CLIC5: variants seen among roughly 807,000 people sequenced by gnomAD.
The protein encoded by CLIC5 is chloride intracellular channel protein 5.
A neutral mutation model predicts 24.7 loss-of-function variants in CLIC5; 20 were observed. The observed-to-expected ratio is 0.81, with a 90% CI of 0.57 to 1.18. The LOEUF is 1.18. Ranked by LOEUF, CLIC5 falls within the 50% of genes most tolerant of loss-of-function variation. The pLI, the probability that CLIC5 is intolerant of heterozygous loss-of-function variation, is 0.00. For missense variants in CLIC5, 341 were observed against 326.1 expected (o/e 1.05, Z -0.35); for synonymous variants, 159 against 135.6 (o/e 1.17, Z -1.20).
intron 1 of CLIC5, among the ~76,000 whole-genome samples, chr6:46,077,495 G>A (rs1334696676): frequency 1.3e-5 from 2 of 151,878 alleles, no homozygotes; most frequent in Non-Finnish European, 2.9e-5. Context: ...AAAGGCCTGA[G>A]AGGTCACACT....
chr6:45,953,704 A>T (rs529846877), intron 2 of CLIC5, among the ~76,000 whole-genome samples: 1 of 152,332 alleles, frequency 6.6e-6, no homozygotes, highest in South Asian at 2.1e-4. Context: ...GCCTGATTAA[A>T]GCATTATTTT....
chr6:46,016,368 G>A (rs1767009407), upstream of CLIC5, among the ~76,000 whole-genome samples: 1 of 152,146 alleles, frequency 6.6e-6, no homozygotes, highest in Admixed American at 6.5e-5. Context: ...CACCAAAAGG[G>A]GCATTTGCCA....
intron 2 of CLIC5, among the ~76,000 whole-genome samples, chr6:45,951,233 A>G (rs1384072124): frequency 6.6e-6 from 1 of 152,168 alleles, no homozygotes; most frequent in Non-Finnish European, 1.5e-5. Flanking sequence ...GCAACAGTGC[A>G]TTTCTCCCCC....
downstream of CLIC5, among the ~76,000 whole-genome samples, chr6:45,896,525 C>A (rs977668486): frequency 6.6e-6 from 1 of 152,224 alleles, no homozygotes; most frequent in African/African-American, 2.4e-5. Context: ...CCTCTCCAGT[C>A]TAATACTCCA....
At chr6:46,106,775 CT>C in the CLIC5 span, among the ~76,000 whole-genome samples, 4 of 152,222 alleles carry the variant, frequency 2.6e-5, no homozygotes, top group Non-Finnish European at 5.9e-5. Context: ...AATCCTCTTT[CT>C]CTGTGCTTTG....
At chr6:46,002,683 T>A (rs1275267279) in intron 1 of CLIC5, among the ~76,000 whole-genome samples, 1 of 152,178 alleles carries the variant, frequency 6.6e-6, no homozygotes, top group East Asian at 1.9e-4. Context: ...TAAGAAACAT[T>A]CCTTAAGCCA....
chr6:45,971,567 A>G (rs1765202202), intron 1 of CLIC5, among the ~76,000 whole-genome samples: 1 of 152,214 alleles, frequency 6.6e-6, no homozygotes, highest in South Asian at 2.1e-4. Flanking sequence ...CATTAATGAC[A>G]GATAGTCTTC....
In CLIC5 at chr6:45,901,681, C is replaced by T. The variant is rs1402388007; in HGVS notation, c.*1407G>A. ...TTTTCTTAGTTTCCTCTGCACAGGT[C>T]CCCAAGCTCAGGCTGGGTAAGCTTT... On this transcript the variant is annotated 3_prime_UTR_variant, in exon 6 of 6. Transcript: ENST00000339561. The T allele has an allele frequency of 6.6e-6, 1 of 152,432 alleles. No homozygotes were observed. The highest frequency in any genetic ancestry group is 6.5e-5 in the Admixed American group (1 of 15,276). The allele number at this position is 152,432 out of a possible 1,614,324, so 9.4% of individuals were successfully genotyped here.
intron 1 of CLIC5, among the ~76,000 whole-genome samples, chr6:45,986,309 T>C (rs1377231067): frequency 1.3e-5 from 2 of 152,174 alleles, no homozygotes; most frequent in Non-Finnish European, 2.9e-5. Context: ...GAATCCTTGG[T>C]ACCATTGAAT....
the CLIC5 span, among the ~76,000 whole-genome samples, chr6:46,124,682 C>A: frequency 2.6e-5 from 4 of 152,156 alleles, no homozygotes; most frequent in Admixed American, 6.5e-5. Context: ...ACTCATCTGA[C>A]AAAGGGCTAA....
At chr6:46,110,353 C>T in the CLIC5 span, among the ~76,000 whole-genome samples, 2 of 152,326 alleles carry the variant, frequency 1.3e-5, no homozygotes, top group East Asian at 3.9e-4. Context: ...TTTTACTCCA[C>T]CGGACTTTGT....
chr6:46,092,839 T>C, the CLIC5 span, among the ~76,000 whole-genome samples: 1 of 152,196 alleles, frequency 6.6e-6, no homozygotes, highest in Non-Finnish European at 1.5e-5. Context: ...TTCCATGTCC[T>C]GAAGTCCCAA....
intron 4 of CLIC5, among the ~76,000 whole-genome samples, chr6:45,936,829 G>A (rs546371600): frequency 3.3e-5 from 5 of 152,230 alleles, no homozygotes; most frequent in Admixed American, 2.0e-4. Context: ...AGAAAACGAA[G>A]CAACTTCCCC....
chr6:46,106,499 C>G, the CLIC5 span, among the ~76,000 whole-genome samples: 1 of 152,124 alleles, frequency 6.6e-6, no homozygotes, highest in Admixed American at 6.5e-5. Context: ...ACCTGCAATG[C>G]TTTTTTGGGG....
intron 1 of CLIC5, among the ~76,000 whole-genome samples, chr6:45,956,427 C>T (rs1764643575): frequency 6.6e-6 from 1 of 151,232 alleles, no homozygotes; most frequent in African/African-American, 2.4e-5. Flanking sequence ...TCGTACAAAG[C>T]TGTAAACAAT....
chr6:46,074,998 C>A (rs1416510991), intron 1 of CLIC5, among the ~76,000 whole-genome samples: 4 of 152,212 alleles, frequency 2.6e-5, no homozygotes, highest in African/African-American at 9.7e-5. Flanking sequence ...TGCTGCAAAG[C>A]ACTATGCTTA....
At chr6:45,949,481 A>G (rs1764400299) in intron 2 of CLIC5, 100 bp from the exon 3 acceptor site, 1 of 1,314,530 alleles carries the variant, frequency 7.6e-7, no homozygotes, top group Non-Finnish European at 1.1e-6. Context: ...GTGCTATCCA[A>G]CATGCCTGTC....
intron 6 of CLIC5, among the ~76,000 whole-genome samples, chr6:45,891,648 A>AG (rs1762348422): frequency 6.6e-6 from 1 of 151,404 alleles, no homozygotes. Context: ...AAAAAAAAAA[A>AG]GAATGTGTAT....
At chr6:46,085,368 A>G in the CLIC5 span, among the ~76,000 whole-genome samples, 2 of 152,192 alleles carry the variant, frequency 1.3e-5, no homozygotes, top group South Asian at 4.2e-4. Flanking sequence ...TAGAGTTTCC[A>G]GTTTTTCTGC....
Sources: allele counts gnomAD v4.1 joint callset (sites outside exome capture counted in the v4.1 genomes callset), GRCh38; gene constraint gnomAD v4.1.1; transcripts MANE v1.5; gene names NCBI Gene and HGNC (gene_info 2026-07-23, HGNC 2026-07-21).